Variants in KLHL32 observed in about 807,000 individuals in gnomAD.
KLHL32 encodes the protein kelch-like protein 32.
In KLHL32, 35 loss-of-function variants were observed where a neutral mutation model predicts 64.8. That is an observed-to-expected ratio of 0.54 (90% CI 0.41 to 0.72). KLHL32 has a LOEUF of 0.72. Ranked by LOEUF, KLHL32 falls within the 30% of genes least tolerant of loss-of-function variation. The pLI, the probability that KLHL32 is intolerant of heterozygous loss-of-function variation, is 0.00. For synonymous variants in KLHL32, 259 were observed against 281.0 expected, an observed-to-expected ratio of 0.92 and a Z score of 0.78; for missense variants, 589 against 768.5, an observed-to-expected ratio of 0.77 and a Z score of 2.76.
chr6:96,937,014 A>T (rs1157315102), intron 1 of KLHL32, among the ~76,000 whole-genome samples: 1 of 151,692 alleles, frequency 6.6e-6, no homozygotes, highest in Admixed American at 6.6e-5. Context: ...CTCTCAATTC[A>T]TCTTACCCTG....
At chr6:97,103,328 C>G (rs1795978874) in intron 6 of KLHL32, among the ~76,000 whole-genome samples, 1 of 151,640 alleles carries the variant, frequency 6.6e-6, no homozygotes, top group Non-Finnish European at 1.5e-5. Context: ...ATTCTCCTGC[C>G]TCAGCCTCCT....
intron 1 of KLHL32, among the ~76,000 whole-genome samples, chr6:96,931,415 T>C (rs557103722): frequency 1.3e-5 from 2 of 152,272 alleles, no homozygotes; most frequent in South Asian, 2.1e-4. Context: ...GCCTACCACA[T>C]AGGAAGTTAG....
At chr6:97,108,890 T>G (rs2128205806) in intron 6 of KLHL32, among the ~76,000 whole-genome samples, 1 of 151,572 alleles carries the variant, frequency 6.6e-6, no homozygotes, top group South Asian at 2.1e-4. Flanking sequence ...TATACCTGCT[T>G]AAATTTAAAA....
At chr6:97,068,401 C>G (rs1301534791) in intron 5 of KLHL32, among the ~76,000 whole-genome samples, 2 of 152,092 alleles carry the variant, frequency 1.3e-5, no homozygotes. Context: ...ATATCTATTG[C>G]TAGACAGCAG....
chr6:97,130,711 A>G, intron 8 of KLHL32, 46 bp from the exon 9 acceptor site: 1 of 1,514,496 alleles, frequency 6.6e-7, no homozygotes. Flanking sequence ...GTTTTCTGAC[A>G]TGGAGGTCTC....
At chr6:97,084,136 T>A (rs1263275426) in intron 5 of KLHL32, among the ~76,000 whole-genome samples, 1 of 152,242 alleles carries the variant, frequency 6.6e-6, no homozygotes, top group African/African-American at 2.4e-5. Flanking sequence ...TGAAAATTAC[T>A]TGGATTTATA....
intron 3 of KLHL32, among the ~76,000 whole-genome samples, chr6:97,006,194 A>G (rs4839894): frequency 0.25 from 37,262 of 152,002 alleles, 5,898 homozygotes; most frequent in East Asian, 0.53. Flanking sequence ...GTGCCCTTCT[A>G]TTAGGTGCAT....
chr6:97,076,383 G>A (rs1019092364), intron 5 of KLHL32, among the ~76,000 whole-genome samples: 1 of 152,212 alleles, frequency 6.6e-6, no homozygotes, highest in African/African-American at 2.4e-5. Context: ...CATCTACTAT[G>A]TAGAAGGTAC....
chr6:96,917,453 G>C, the KLHL32 span, among the ~76,000 whole-genome samples: 1 of 152,228 alleles, frequency 6.6e-6, no homozygotes. Context: ...TGTCTGACCT[G>C]AGGTCCATGC....
chr6:97,086,646 T>C (rs534352234), intron 6 of KLHL32, among the ~76,000 whole-genome samples: 4 of 152,318 alleles, frequency 2.6e-5, no homozygotes, highest in African/African-American at 7.2e-5. Flanking sequence ...AAAGAAAATA[T>C]AAGGACCAAA....
chr6:97,130,765 G>T lies in KLHL32; in HGVS notation c.1422G>T (p.Trp474Cys). 6.2e-7 allele frequency: 1 copy of T among 1,605,702 alleles called. No homozygotes were observed. The highest frequency in any genetic ancestry group is 8.5e-7 in the Non-Finnish European group (1 of 1,176,796). Reference sequence around the variant, plus strand: ...TAAATTTCTTTTTTCAGAATAAGTGGATAAGCCGTAGCCCCATGCTGCAGA... The same window carrying T: ...TAAATTTCTTTTTTCAGAATAAGTGTATAAGCCGTAGCCCCATGCTGCAGA... ...LMVYEPNQNKWISRSPMLQRR... is the reference protein window; with the variant it reads ...LMVYEPNQNKCISRSPMLQRR... Residue 474 changes from tryptophan to cysteine, a missense_variant, in exon 9 of 11, where the codon TGG becomes TGT. Physicochemically the swap from Trp to Cys is radical, Grantham distance 215. This residue lies in a region of KLHL32 where 172 missense variants were observed against 192.0 expected (regional missense o/e 0.90). Transcript: ENST00000369261.
intron 3 of KLHL32, among the ~76,000 whole-genome samples, chr6:96,996,994 T>C (rs1382670268): frequency 6.6e-6 from 1 of 151,272 alleles, no homozygotes; most frequent in African/African-American, 2.4e-5. Flanking sequence ...GGTTGGGAGG[T>C]AGGTAAACAG....
chr6:96,993,687 C>T (rs759265615), intron 3 of KLHL32, among the ~76,000 whole-genome samples: 9 of 152,224 alleles, frequency 5.9e-5, no homozygotes, highest in Non-Finnish European at 1.3e-4. Context: ...GTCAGGCTAC[C>T]ACACTGTTAT....
intron 5 of KLHL32, among the ~76,000 whole-genome samples, chr6:97,071,529 T>C (rs1790714615): frequency 6.6e-6 from 1 of 152,110 alleles, no homozygotes; most frequent in Admixed American, 6.6e-5. Flanking sequence ...ACTCCAGCCC[T>C]CTCTCCTGAG....
intron 1 of KLHL32, among the ~76,000 whole-genome samples, chr6:96,931,729 A>G (rs35900911): frequency 0.13 from 19,946 of 152,158 alleles, 1,569 homozygotes; most frequent in East Asian, 0.26. Flanking sequence ...ATAGCTCCAG[A>G]AAAGAATATG....
chr6:97,002,094 T>C (rs181483321), intron 3 of KLHL32, among the ~76,000 whole-genome samples: 2 of 152,332 alleles, frequency 1.3e-5, no homozygotes, highest in Non-Finnish European at 2.9e-5. Flanking sequence ...GTTGTATGCT[T>C]CTAGTCCAAG....
intron 4 of KLHL32, among the ~76,000 whole-genome samples, chr6:97,057,172 CTTTTTTTTTT>C (rs199552121): frequency 2.2e-4 from 14 of 64,994 alleles, no homozygotes; most frequent in Non-Finnish European, 3.2e-4. Context: ...ATGTGAGTAT[CTTTTTTTTTT>C]TTTTTTTTTT....
intron 1 of KLHL32, among the ~76,000 whole-genome samples, chr6:96,935,495 G>A (rs1446397949): frequency 6.6e-6 from 1 of 152,196 alleles, no homozygotes; most frequent in Non-Finnish European, 1.5e-5. Flanking sequence ...AAGGAAAAGA[G>A]GAGGGGTCTG....
the KLHL32 span, among the ~76,000 whole-genome samples, chr6:96,905,216 T>C: frequency 6.6e-6 from 1 of 152,126 alleles, no homozygotes; most frequent in Non-Finnish European, 1.5e-5. Flanking sequence ...AACAAGCAAA[T>C]ACTCAAGAAA....
Sources: gnomAD v4.1 joint callset for allele counts (sites outside exome capture counted in the v4.1 genomes callset) on GRCh38, gnomAD v4.1.1 for gene constraint, gnomAD v4.1.1 regional missense constraint, MANE v1.5 for transcripts, NCBI Gene and HGNC (gene_info 2026-07-23, HGNC 2026-07-21) for gene names.